The following DNAH12 variants were observed in gnomAD, a reference collection of about 807,000 sequenced individuals.
DNAH12 encodes dynein axonemal heavy chain 12.
A neutral mutation model predicts 371.5 loss-of-function variants in DNAH12; 285 were observed. The observed-to-expected ratio is 0.77, with a 90% CI of 0.70 to 0.85. DNAH12 has a LOEUF of 0.85. DNAH12 is among the 40% of genes least tolerant of loss of function. The pLI is 0.00. For missense variants in DNAH12, 3,611 were observed against 3,689.4 expected, an observed-to-expected ratio of 0.98 and a Z score of 0.55; for synonymous variants, 1,200 against 1,213.0, an observed-to-expected ratio of 0.99 and a Z score of 0.22.
chr3:57,298,178 G>T (rs1262821611), intron 70 of DNAH12, among the ~76,000 whole-genome samples: 1 of 152,178 alleles, frequency 6.6e-6, no homozygotes, highest in Non-Finnish European at 1.5e-5. Context: ...TCTGGTGGTA[G>T]AACTCCACCT....
chr3:57,542,675 G>A, intron 2 of DNAH12, 26 bp downstream of exon 2: 22 of 1,532,318 alleles, frequency 1.4e-5, no homozygotes, highest in Non-Finnish European at 1.8e-5. Context: ...TTCCAAGCAA[G>A]AATTATCTAC....
At chr3:57,496,650 A>G (rs184762173) in intron 11 of DNAH12, among the ~76,000 whole-genome samples, 25 of 152,290 alleles carry the variant, frequency 1.6e-4, no homozygotes, top group Non-Finnish European at 2.8e-4. Context: ...TCAGCACTGT[A>G]CTGTAAATAA....
intron 7 of DNAH12, 46 bp downstream of exon 7, chr3:57,508,336 A>G: frequency 6.7e-7 from 1 of 1,501,012 alleles, no homozygotes; most frequent in South Asian, 1.4e-5. Context: ...AAAAATATAG[A>G]CTCAAGCAAG....
chr3:57,514,021 T>C (rs6445904), intron 4 of DNAH12, among the ~76,000 whole-genome samples: 92,883 of 152,112 alleles, frequency 0.61, 29,234 homozygotes, highest in South Asian at 0.68. Flanking sequence ...ACATTCGTGT[T>C]CTGTGCAGCA....
At chr3:57,508,684 T>A in intron 6 of DNAH12, 144 bp from the exon 7 acceptor site, 1 of 829,364 alleles carries the variant, frequency 1.2e-6, no homozygotes, top group Non-Finnish European at 1.8e-6. Flanking sequence ...ATGGGAACCT[T>A]AAGATATATG....
intron 43 of DNAH12, among the ~76,000 whole-genome samples, chr3:57,400,267 C>CAGAG (rs1379084971): frequency 6.6e-6 from 1 of 151,878 alleles, no homozygotes; most frequent in Non-Finnish European, 1.5e-5. Flanking sequence ...CAGCCTGGGG[C>CAGAG]AGAGCGAGAC....
Position 57,499,630 on chromosome 3 carries a change from C to CAAAAAAAAAAAAAAAAA in DNAH12, c.1335+1674_1335+1690dup, listed in dbSNP as rs1220632097. ...GAAACATAAGGAGACACCATCTCTA[C>CAAAAAAAAAAAAAAAAA]AAAAAAAAAAAAAAAAAATATATAT... On this transcript the variant is annotated intron_variant, in intron 11 of 73. Coordinates refer to ENST00000495027, the MANE Select transcript of DNAH12 (RefSeq NM_001366028.2). 2.8e-3 allele frequency among the ~76,000 whole-genome samples: 42 copies of CAAAAAAAAAAAAAAAAA among 14,890 alleles called. 10 individuals carry two copies. Among genetic ancestry groups the CAAAAAAAAAAAAAAAAA allele is most frequent in the African/African-American group, 8.8e-3 (26 of 2,950 alleles). 9.8% of individuals were successfully genotyped at this position (14,890 alleles called of 152,430 possible). A position where few individuals can be genotyped will look rare whatever the true frequency, so the allele number is the denominator to read the frequency against.
intron 13 of DNAH12, among the ~76,000 whole-genome samples, chr3:57,476,664 C>G (rs1010298492): frequency 2.6e-5 from 4 of 152,160 alleles, no homozygotes; most frequent in Non-Finnish European, 5.9e-5. Flanking sequence ...ATTTATTTTC[C>G]TAGGTGGTAA....
Position 57,366,834 on chromosome 3 carries a change from G to A in DNAH12, c.9062C>T (p.Pro3021Leu), listed in dbSNP as rs1393920811. 1 of 152,084 alleles carries A rather than the reference G, an allele frequency of 6.6e-6. No individual in the cohort carries two copies. The highest frequency in any genetic ancestry group is 1.5e-5 in the Non-Finnish European group (1 of 68,022). The allele number at this position is 152,084 out of a possible 1,614,324, so 9.4% of individuals were successfully genotyped here. ...TGTAGCCAGTTCTGGCATATAGTGC[G>A]GGTTTCTCAGTTTTGTGGTGATATA... is the stretch of plus-strand genomic sequence containing the variant. ...KFYITTKLRNPHYMPELATKV... is the reference protein window; with the variant it reads ...KFYITTKLRNLHYMPELATKV... The change falls in exon 57 of 74, where the codon CCG becomes CTG. Residue 3021 changes from proline (P) to leucine (L), a missense_variant. By Grantham distance (98) the Pro-to-Leu change is moderately conservative. Transcript: ENST00000495027.
intron 69 of DNAH12, among the ~76,000 whole-genome samples, chr3:57,303,745 T>A (rs1265032829): frequency 6.6e-6 from 1 of 152,148 alleles, no homozygotes; most frequent in East Asian, 1.9e-4. Flanking sequence ...ATGACAGGAT[T>A]TAATAGTCTT....
chr3:57,369,978 A>G (rs2063135412), intron 55 of DNAH12, among the ~76,000 whole-genome samples: 1 of 152,192 alleles, frequency 6.6e-6, no homozygotes, highest in African/African-American at 2.4e-5. Flanking sequence ...TGTTGTGTCC[A>G]TCATAGAAAT....
chr3:57,520,026 C>T, intron 4 of DNAH12: 1 of 733,810 alleles, frequency 1.4e-6, no homozygotes, highest in Non-Finnish European at 2.3e-6. Context: ...CGCCGCGGAG[C>T]CGATGGCCGA....
rs1335463074 is a variant in DNAH12 at position 57,429,687 on chromosome 3, T to G, written c.5064+4A>C. The stretch of plus-strand genomic sequence containing the variant: ...ACCACCATTGTATTAAATTATGAAC[T>G]TACGGATGCCTGGGAAAGGTCCATT... On this transcript the variant is annotated splice_donor_region_variant and intron_variant, in intron 33 of 73. Transcript: ENST00000495027. 1.3e-6 allele frequency: 2 copies of G among 1,529,574 alleles called. No homozygotes were observed. The highest frequency in any genetic ancestry group is 1.8e-6 in the Non-Finnish European group (2 of 1,140,238). 94.8% of individuals were successfully genotyped at this position (1,529,574 alleles called of 1,614,324 possible). A position where few individuals can be genotyped will look rare whatever the true frequency, so the allele number is the denominator to read the frequency against.
intron 2 of DNAH12, among the ~76,000 whole-genome samples, chr3:57,535,025 T>C (rs568342989): frequency 1.3e-5 from 2 of 152,328 alleles, no homozygotes; most frequent in South Asian, 4.1e-4. Flanking sequence ...TCTCACAACA[T>C]TCCTAAAACA....
At chr3:57,528,059 G>A (rs1172376087) in intron 2 of DNAH12, among the ~76,000 whole-genome samples, 4 of 151,810 alleles carry the variant, frequency 2.6e-5, no homozygotes, top group East Asian at 1.9e-4. Flanking sequence ...ACAGAGTTTC[G>A]CTCTTGTTGC....
At position 57,470,613 on chromosome 3, in the gene DNAH12, T is replaced by C; in HGVS notation, c.1935A>G (p.Leu645=). Residue 645 remains leucine (L), a synonymous_variant, in exon 16 of 74, where the codon CTA becomes CTG. Transcript: ENST00000495027. ...MQQYVTDVRQ[L]QKRIQESEEA... The stretch of plus-strand genomic sequence containing the variant: ...CTTCAGATTCCTGAATACGTTTTTG[T>C]AGTTGTCTTACATCTGTCACATACT... 1 of 1,540,492 alleles carries C rather than the reference T, an allele frequency of 6.5e-7. No homozygotes were observed. Among genetic ancestry groups the C allele is most frequent in the Non-Finnish European group, 8.7e-7 (1 of 1,144,730 alleles).
chr3:57,375,203 G>A (rs1009227483), intron 55 of DNAH12, among the ~76,000 whole-genome samples, 168 bp downstream of exon 55: 6 of 152,132 alleles, frequency 3.9e-5, no homozygotes, highest in Admixed American at 2.0e-4. Context: ...GAGTGATAGA[G>A]GGAAGGACAG....
chr3:57,330,324 C>T (rs2062064473), intron 62 of DNAH12, among the ~76,000 whole-genome samples: 1 of 151,670 alleles, frequency 6.6e-6, no homozygotes, highest in Non-Finnish European at 1.5e-5. Context: ...AAATGTCCAA[C>T]AATGATAGAC....
At chr3:57,436,324 T>C (rs1330223284) in intron 30 of DNAH12, among the ~76,000 whole-genome samples, 1 of 152,198 alleles carries the variant, frequency 6.6e-6, no homozygotes, top group East Asian at 1.9e-4. Flanking sequence ...GCTCCTTAGA[T>C]GAGGCCCTTC....
Sources: gnomAD v4.1 joint callset for allele counts (sites outside exome capture counted in the v4.1 genomes callset) on GRCh38, gnomAD v4.1.1 for gene constraint, MANE v1.5 for transcripts, NCBI Gene and HGNC (gene_info 2026-07-23, HGNC 2026-07-21) for gene names.